OR2J3: variants seen among roughly 807,000 people sequenced by gnomAD.
OR2J3 encodes olfactory receptor 2J3.
OR2J3 carries 13 observed loss-of-function variants against 18.5 expected under a neutral mutation model. The observed-to-expected ratio is 0.70, with a 90% CI of 0.46 to 1.12. OR2J3 has a LOEUF of 1.12. OR2J3 is among the 50% of genes most tolerant of loss of function. The probability of loss-of-function intolerance (pLI) is 0.00; values close to 1 mark genes in which losing one functional copy is unlikely to be tolerated. For missense variants in OR2J3, 321 were observed against 371.6 expected (o/e 0.86, Z 1.12); for synonymous variants, 142 against 140.6 (o/e 1.01, Z -0.07).
intron 1 of OR2J3, 81 bp from the exon 2 acceptor site, chr6:29,108,456 T>C (rs186614302): frequency 6.6e-6 from 1 of 152,352 alleles, no homozygotes; most frequent in Non-Finnish European, 1.5e-5. Context: ...CTTTTAATTT[T>C]TGTGGGTACA....
rs1266237080 is a variant in OR2J3, at chr6:29,114,696, T to G, written c.*1870T>G. On this transcript the variant is annotated 3_prime_UTR_variant, in exon 4 of 4. Coordinates refer to ENST00000641151, the MANE Select transcript of OR2J3 (RefSeq NM_001005216.4). ...AGAATAGATCTCTTGAATTTGTTCC[T>G]TCCATCTGAAACTTTGTACCCTTTG... 6.6e-6 allele frequency: 1 copy of G among 152,126 alleles called. No individual in the cohort carries two copies. Among genetic ancestry groups the G allele is most frequent in the Non-Finnish European group, 1.5e-5 (1 of 68,012 alleles). The allele number at this position is 152,126 out of a possible 1,614,324, so 9.4% of individuals were successfully genotyped here.
Position 29,112,514 on chromosome 6 carries a change from A to T in OR2J3, c.624A>T (p.Ile208=), listed in dbSNP as rs760363769. Residue 208 remains isoleucine, a synonymous_variant, in exon 4 of 4, where the codon ATA becomes ATT. Transcript: ENST00000641151. ...TGACCCTCATGATCACAAGCTCCAT[A>T]TTTGTTCTCATACCTCTCATCCTCA... ...NELTLMITSS[I]FVLIPLILIL... is the part of the protein sequence containing the mutation. The T allele has an allele frequency of 2.5e-6, 4 of 1,613,952 alleles. No homozygotes were observed. The highest frequency in any genetic ancestry group is 3.4e-6 in the Non-Finnish European group (4 of 1,180,016).
chr6:29,109,295 G>C (rs1762039074), intron 3 of OR2J3, among the ~76,000 whole-genome samples: 2 of 152,096 alleles, frequency 1.3e-5, no homozygotes, highest in African/African-American at 4.8e-5. Context: ...TTAAGTTGTT[G>C]AAAGTAATCT....
intron 3 of OR2J3, chr6:29,111,552 T>A (rs1372479463): frequency 4.0e-6 from 1 of 247,470 alleles, no homozygotes; most frequent in African/African-American, 2.3e-5. Context: ...ACATATTCTG[T>A]TCCCCATCAA....
In OR2J3 at chr6:29,112,617, A is replaced by G. The variant is rs1762188187; in HGVS notation, c.727A>G (p.Thr243Ala). 10 of 1,613,972 alleles carry G rather than the reference A, an allele frequency of 6.2e-6. No individual in the cohort carries two copies. Among genetic ancestry groups the G allele is most frequent in the Non-Finnish European group, 8.5e-6 (10 of 1,180,024 alleles). The change falls in exon 4 of 4, where the codon ACA becomes GCA. Residue 243 changes from threonine to alanine, a missense_variant. Transcript: ENST00000641151. The stretch of plus-strand genomic sequence containing the variant: ...CACTGGGCTTCAGAAAGTGTTTGGA[A>G]CATGTGGAGCTCATCTTATGGCTGT... ...STTGLQKVFG[T>A]CGAHLMAVSL...
intron 3 of OR2J3, among the ~76,000 whole-genome samples, chr6:29,110,009 C>T (rs1762066755): frequency 6.6e-6 from 1 of 152,126 alleles, no homozygotes; most frequent in Admixed American, 6.6e-5. Flanking sequence ...GCTTCTTGAA[C>T]GCTGTGATAG....
rs1176568594 is a variant in OR2J3, at chr6:29,112,438, A to C, written c.548A>C (p.Glu183Ala). The part of the protein sequence containing the change: ...GHRQVDHFFC[E>A]VPALLRLSCV... ...CGCCAAGTAGATCACTTTTTCTGTG[A>C]AGTTCCAGCACTTCTGCGATTATCG... The change falls in exon 4 of 4, where the codon GAA (glutamate) becomes GCA (alanine). Residue 183 changes from glutamate (E) to alanine (A), a missense_variant. Coordinates refer to ENST00000641151, the MANE Select transcript of OR2J3 (RefSeq NM_001005216.4). 4 of 1,613,962 alleles carry C rather than the reference A, an allele frequency of 2.5e-6. No individual in the cohort carries two copies. The highest frequency in any genetic ancestry group is 3.4e-6 in the Non-Finnish European group (4 of 1,180,022).
chr6:29,111,577 GT>G (rs756118764), intron 3 of OR2J3: 39 of 282,450 alleles, frequency 1.4e-4, no homozygotes, highest in Non-Finnish European at 2.3e-4. Context: ...TTATCCACTA[GT>G]TTTTGCAATC....
In OR2J3 at chr6:29,112,870, C is replaced by T; in HGVS notation, c.*44C>T. 1 of 1,539,754 alleles carries T rather than the reference C, an allele frequency of 6.5e-7. No homozygotes were observed. Among genetic ancestry groups the T allele is most frequent in the Non-Finnish European group, 8.7e-7 (1 of 1,147,314 alleles). ...TTAACAATATAACAGAGTCTCCCCTCACAATGATTCATCCTTCTATTTATT... is the reference window on the plus strand; with the variant it reads ...TTAACAATATAACAGAGTCTCCCCTTACAATGATTCATCCTTCTATTTATT... On this transcript the variant is annotated 3_prime_UTR_variant, in exon 4 of 4. Transcript: ENST00000641151.
At position 29,108,077 on chromosome 6, in the gene OR2J3, A is replaced by G. The variant is rs563402240; in HGVS notation, c.-399A>G. 2.0e-5 allele frequency: 3 copies of G among 152,296 alleles called. No homozygotes were observed. Among genetic ancestry groups the G allele is most frequent in the Non-Finnish European group, 2.9e-5 (2 of 68,020 alleles). 9.4% of individuals were successfully genotyped at this position (152,296 alleles called of 1,614,324 possible). A position where few individuals can be genotyped will look rare whatever the true frequency, so the allele number is the denominator to read the frequency against. On this transcript the variant is annotated 5_prime_UTR_variant, in exon 1 of 4. An upstream start codon of the reference 5' UTR is lost. Coordinates refer to ENST00000641151, the MANE Select transcript of OR2J3 (RefSeq NM_001005216.4). ...ACTCAGAGCTTTCTCTTCTGTAGCA[A>G]TGATAGTCATAGCTACATTCAGACT...
Position 29,112,883 on chromosome 6 carries a change from C to G in OR2J3, c.*57C>G. The G allele has an allele frequency of 1.3e-6, 2 of 1,520,774 alleles. No individual in the cohort carries two copies. The highest frequency in any genetic ancestry group is 1.8e-6 in the Non-Finnish European group (2 of 1,137,762). The allele number at this position is 1,520,774 out of a possible 1,614,324, so 94.2% of individuals were successfully genotyped here. ...AGAGTCTCCCCTCACAATGATTCAT[C>G]CTTCTATTTATTTATCAACCATTCT... On this transcript the variant is annotated 3_prime_UTR_variant, in exon 4 of 4. Coordinates refer to ENST00000641151, the MANE Select transcript of OR2J3 (RefSeq NM_001005216.4).
At chr6:29,110,941 A>G (rs1439579383) in intron 3 of OR2J3, among the ~76,000 whole-genome samples, 1 of 151,866 alleles carries the variant, frequency 6.6e-6, no homozygotes. Flanking sequence ...TAAGTTGGAG[A>G]TGACACGTTC....
In OR2J3 at chr6:29,114,639, T is replaced by C. The variant is rs1762265749; in HGVS notation, c.*1813T>C. The C allele has an allele frequency of 6.6e-6, 1 of 152,180 alleles. No homozygotes were observed. The highest frequency in any genetic ancestry group is 1.5e-5 in the Non-Finnish European group (1 of 68,030). 9.4% of individuals were successfully genotyped at this position (152,180 alleles called of 1,614,324 possible). ...ATCTTAGCAGTTTTCAACTATGCAG[T>C]ACAGTATTATTAGCTATAGTCACCA... On this transcript the variant is annotated 3_prime_UTR_variant, in exon 4 of 4. Coordinates refer to ENST00000641151, the MANE Select transcript of OR2J3 (RefSeq NM_001005216.4).
Position 29,112,832 on chromosome 6 carries a change from T to C in OR2J3, c.*6T>C, listed in dbSNP as rs768979314. The C allele has an allele frequency of 5.6e-6, 9 of 1,603,016 alleles. No homozygotes were observed. The highest frequency in any genetic ancestry group is 2.2e-5 in the East Asian group (1 of 44,808). ...GACTAATGGGGTGGGAATGAGCCTG[T>C]GTATGTGTCATATTAACAATATAAC... On this transcript the variant is annotated 3_prime_UTR_variant, in exon 4 of 4. Coordinates refer to ENST00000641151, the MANE Select transcript of OR2J3 (RefSeq NM_001005216.4).
At chr6:29,110,383 T>G (rs1374360558) in intron 3 of OR2J3, among the ~76,000 whole-genome samples, 1 of 152,216 alleles carries the variant, frequency 6.6e-6, no homozygotes, top group East Asian at 1.9e-4. Context: ...GCGAACATTT[T>G]GAAATGACTA....
In OR2J3 at chr6:29,111,904, G is replaced by C; in HGVS notation, c.14G>C (p.Gly5Ala). 6.2e-7 allele frequency: 1 copy of C among 1,608,970 alleles called. No homozygotes were observed. The highest frequency in any genetic ancestry group is 1.3e-5 in the African/African-American group (1 of 74,734). ...AGGTAATAGGAAATGAATGATGATG[G>C]AAAAGTCAATGCTAGCTCTGAGGGG... is the stretch of plus-strand genomic sequence containing the variant. MNDD[G>A]KVNASSEGYF... Residue 5 changes from glycine to alanine, a missense_variant, in exon 4 of 4, where the codon GGA (glycine) becomes GCA (alanine). By Grantham distance (60) the Gly-to-Ala change is moderately conservative (BLOSUM62 0). Transcript: ENST00000641151.
At position 29,111,906 on chromosome 6, in the gene OR2J3, A is replaced by C; in HGVS notation, c.16A>C (p.Lys6Gln). 1 of 1,609,208 alleles carries C rather than the reference A, an allele frequency of 6.2e-7. No homozygotes were observed. Among genetic ancestry groups the C allele is most frequent in the Non-Finnish European group, 8.5e-7 (1 of 1,177,894 alleles). The change falls in exon 4 of 4, where the codon AAA (lysine) becomes CAA (glutamine). Residue 6 changes from lysine to glutamine, a missense_variant. By Grantham distance (53) the Lys-to-Gln change is moderately conservative. Coordinates refer to ENST00000641151, the MANE Select transcript of OR2J3 (RefSeq NM_001005216.4). MNDDG[K>Q]VNASSEGYFI... ...GTAATAGGAAATGAATGATGATGGAAAAGTCAATGCTAGCTCTGAGGGGTA... is the reference window on the plus strand; with the variant it reads ...GTAATAGGAAATGAATGATGATGGACAAGTCAATGCTAGCTCTGAGGGGTA...
chr6:29,111,172 A>C (rs2150951591), intron 3 of OR2J3, among the ~76,000 whole-genome samples: 1 of 152,234 alleles, frequency 6.6e-6, no homozygotes, highest in East Asian at 1.9e-4. Context: ...ACATCTCACT[A>C]GTCTCTTTTC....
Position 29,112,785 on chromosome 6 carries a change from G to A in OR2J3, c.895G>A (p.Val299Ile), listed in dbSNP as rs1762198966. Residue 299 changes from valine to isoleucine, a missense_variant, in exon 4 of 4, where the codon GTT becomes ATT. Val to Ile is a conservative substitution (Grantham distance 29). Coordinates refer to ENST00000641151, the MANE Select transcript of OR2J3 (RefSeq NM_001005216.4). ...NPLIYTLRNK[V>I]VRGAVKRLMG... Reference sequence around the variant, plus strand: ...TCTAATCTACACCCTCAGAAACAAAGTTGTAAGAGGGGCAGTGAAGAGACT... The same window carrying A: ...TCTAATCTACACCCTCAGAAACAAAATTGTAAGAGGGGCAGTGAAGAGACT... 1 of 1,613,524 alleles carries A rather than the reference G, an allele frequency of 6.2e-7. No homozygotes were observed.
Sources: gnomAD v4.1 joint callset for allele counts (sites outside exome capture counted in the v4.1 genomes callset) on GRCh38, gnomAD v4.1.1 for gene constraint, MANE v1.5 for transcripts, NCBI Gene and HGNC (gene_info 2026-07-23, HGNC 2026-07-21) for gene names.